Variants in MID1 observed in about 807,000 individuals in gnomAD.
MID1 encodes midline 1, also known as E3 ubiquitin-protein ligase Midline-1.
In MID1, 7 loss-of-function variants were observed where a neutral mutation model predicts 40.4. The ratio of observed to expected loss-of-function variants is 0.17; its 90% CI spans 0.10 to 0.33. The LOEUF (loss-of-function observed/expected upper bound fraction) is 0.33, where lower values mean the gene tolerates loss of function less well. Among genes scored for constraint, MID1 ranks in the 10% least tolerant of loss-of-function variants. MID1 has a pLI of 1.00. For synonymous variants in MID1, 229 were observed against 221.2 expected (o/e 1.04, Z -0.31); for missense variants, 367 against 558.5 (o/e 0.66, Z 3.46).
At chrX:10,759,942 AG>A (rs1426778309) in intron 1 of MID1, among the ~76,000 whole-genome samples, 2 of 112,047 alleles carry the variant, frequency 1.8e-5, no homozygotes, top group East Asian at 5.6e-4. Flanking sequence ...CTGACTCCTG[AG>A]GACACTGATC....
intron 1 of MID1, among the ~76,000 whole-genome samples, chrX:10,726,758 C>A (rs1051747500): frequency 7.1e-5 from 8 of 112,656 alleles, no homozygotes; most frequent in Admixed American, 1.9e-4. Flanking sequence ...CTTGTAACCA[C>A]TATACTTCAG....
At chrX:10,761,505 T>C (rs1008214775) in intron 1 of MID1, among the ~76,000 whole-genome samples, 1 of 112,087 alleles carries the variant, frequency 8.9e-6, no homozygotes, top group Non-Finnish European at 1.9e-5. Flanking sequence ...TTGCTCCTTG[T>C]CTTGGTCACA....
chrX:10,625,480 G>T (rs942566346), upstream of MID1, among the ~76,000 whole-genome samples: 1 of 112,402 alleles, frequency 8.9e-6, no homozygotes, highest in African/African-American at 3.2e-5. Flanking sequence ...AGCACAGAGT[G>T]TGTGGTCAGT....
At chrX:10,612,184 T>G (rs1935747000) in intron 1 of MID1, among the ~76,000 whole-genome samples, 1 of 111,851 alleles carries the variant, frequency 8.9e-6, no homozygotes, top group South Asian at 3.7e-4. Context: ...TATCTAATAG[T>G]CTATCATGTT....
chrX:10,824,641 G>A (rs753511764), intron 1 of MID1, among the ~76,000 whole-genome samples: 16 of 112,405 alleles, frequency 1.4e-4, no homozygotes, highest in Admixed American at 3.8e-4. Context: ...ATACTATTCC[G>A]ATTTAAAATG....
At chrX:10,692,410 T>TA (rs1199370275) in intron 1 of MID1, among the ~76,000 whole-genome samples, 3 of 111,305 alleles carry the variant, frequency 2.7e-5, no homozygotes, top group Non-Finnish European at 5.6e-5. Context: ...GTTCCCCCGA[T>TA]AGAGACCAGC....
intron 1 of MID1, among the ~76,000 whole-genome samples, chrX:10,762,502 C>T (rs2043687447): frequency 9.2e-6 from 1 of 108,541 alleles, no homozygotes; most frequent in Non-Finnish European, 1.9e-5. Context: ...TTTCCAATAT[C>T]GGCTCACTGC....
chrX:10,611,139 T>C (rs754859852), intron 1 of MID1, among the ~76,000 whole-genome samples: 1 of 112,184 alleles, frequency 8.9e-6, no homozygotes, highest in South Asian at 3.7e-4. Context: ...TCATTACATT[T>C]GTTAATAAGG....
intron 1 of MID1, among the ~76,000 whole-genome samples, chrX:10,586,288 C>T (rs976650928): frequency 3.8e-4 from 42 of 111,706 alleles, no homozygotes; most frequent in Admixed American, 7.6e-4. Flanking sequence ...ATGAGTCCTG[C>T]GATGAGTTTC....
intron 2 of MID1, among the ~76,000 whole-genome samples, chrX:10,542,110 CTAAAT>C (rs1371550931): frequency 8.9e-6 from 1 of 111,764 alleles, no homozygotes; most frequent in African/African-American, 3.3e-5. Context: ...GAATTTTAAC[CTAAAT>C]TAAACATTAC....
At chrX:10,682,315 ATTTCT>A (rs981792650) in intron 1 of MID1, among the ~76,000 whole-genome samples, 1 of 108,976 alleles carries the variant, frequency 9.2e-6, no homozygotes, top group African/African-American at 3.4e-5. Flanking sequence ...GTTTGACCTA[ATTTCT>A]TTTCTTTTCC....
rs1157401550 is a variant in MID1 at position 10,758,483 on chromosome X, C to CTTTTTTTTTTTTT, written c.-187+75058_-187+75070dup. 1.7e-4 allele frequency among the ~76,000 whole-genome samples: 11 copies of CTTTTTTTTTTTTT among 63,874 alleles called. 1 individual carries two copies. The highest frequency in any genetic ancestry group is 7.0e-4 in the African/African-American group (9 of 12,766). The allele number at this position is 63,874 out of a possible 115,157, so 55.5% of individuals were successfully genotyped here. A position where few individuals can be genotyped will look rare whatever the true frequency, so the allele number is the denominator to read the frequency against. On this transcript the variant is annotated intron_variant, in intron 1 of 10. Coordinates refer to the MID1 transcript ENST00000380785. ...CAGTACTTTTTCTTTCTTTTCTTTC[C>CTTTTTTTTTTTTT]TTTTTTTTTTTTTTTTTTTTTTTTT...
chrX:10,524,971 G>C (rs1569084879), intron 2 of MID1, among the ~76,000 whole-genome samples: 1 of 111,994 alleles, frequency 8.9e-6, no homozygotes, highest in Non-Finnish European at 1.9e-5. Flanking sequence ...CATATAGACA[G>C]TTCCACAAGT....
chrX:10,480,313 T>G (rs958703894), intron 5 of MID1, among the ~76,000 whole-genome samples: 2 of 112,401 alleles, frequency 1.8e-5, no homozygotes, highest in Non-Finnish European at 3.8e-5. Flanking sequence ...ATGTGGGCAT[T>G]CCCACACCTG....
chrX:10,602,161 T>C (rs1424382464), intron 1 of MID1, among the ~76,000 whole-genome samples: 1 of 108,165 alleles, frequency 9.2e-6, no homozygotes, highest in African/African-American at 3.4e-5. Flanking sequence ...CCTCCCAAAG[T>C]GCGGAATTGG....
intron 1 of MID1, among the ~76,000 whole-genome samples, chrX:10,742,554 A>T (rs1403678789): frequency 2.7e-5 from 3 of 112,501 alleles, no homozygotes; most frequent in Admixed American, 1.9e-4. Context: ...TCTTAAAAAC[A>T]CTTTAAATGG....
intron 1 of MID1, among the ~76,000 whole-genome samples, chrX:10,736,674 C>T (rs763077788): frequency 2.7e-5 from 3 of 112,252 alleles, no homozygotes; most frequent in Non-Finnish European, 3.8e-5. Context: ...TTGTGCTAGG[C>T]CTACCTTCAT....
chrX:10,588,113 T>G (rs1935180956), intron 1 of MID1, among the ~76,000 whole-genome samples: 1 of 112,323 alleles, frequency 8.9e-6, no homozygotes, highest in African/African-American at 3.2e-5. Flanking sequence ...ACACAGAATT[T>G]TCTTTACAAT....
intron 2 of MID1, among the ~76,000 whole-genome samples, chrX:10,558,635 T>G (rs893800834): frequency 2.6e-4 from 29 of 113,149 alleles, no homozygotes; most frequent in African/African-American, 9.3e-4. Context: ...ACTTAACCAT[T>G]ACACATTCTG....
Sources: allele counts gnomAD v4.1 joint callset (sites outside exome capture counted in the v4.1 genomes callset), GRCh38; gene constraint gnomAD v4.1.1; transcripts MANE v1.5; gene names NCBI Gene and HGNC (gene_info 2026-07-23, HGNC 2026-07-21).